Variants in GRID2 observed in about 807,000 individuals in gnomAD.
GRID2 encodes the protein glutamate ionotropic receptor delta type subunit 2, also known as glutamate receptor ionotropic, delta-2.
A neutral mutation model predicts 114.8 loss-of-function variants in GRID2; 33 were observed. The observed-to-expected ratio is 0.29, with a 90% CI of 0.22 to 0.38. GRID2 has a LOEUF of 0.38. GRID2 is among the 10% of genes least tolerant of loss of function. GRID2 has a pLI of 1.00. For missense variants in GRID2, 1,184 were observed against 1,257.7 expected (o/e 0.94, Z 0.89); for synonymous variants, 505 against 449.9 (o/e 1.12, Z -1.55).
rs905718332 is a variant in GRID2 at position 92,308,289 on chromosome 4, T to G, written c.88+3545T>G. 3.4e-4 allele frequency among the ~76,000 whole-genome samples: 52 copies of G among 152,182 alleles called. 1 individual carries two copies. On this transcript the variant is annotated intron_variant, in intron 1 of 15. Transcript: ENST00000282020. ...ATATATGCTCCTTTCTTTATCTGGT[T>G]CCTGTGCTCACAGAACTGATTGTAA...
intron 10 of GRID2, among the ~76,000 whole-genome samples, chr4:93,452,436 G>C (rs1560633560): frequency 2.6e-5 from 4 of 152,000 alleles, no homozygotes; most frequent in Admixed American, 2.6e-4. Context: ...GTAGAGGGAA[G>C]GGCTCAATCT....
At chr4:93,691,712 A>G (rs535572387) in intron 14 of GRID2, among the ~76,000 whole-genome samples, 1 of 152,202 alleles carries the variant, frequency 6.6e-6, no homozygotes, top group Non-Finnish European at 1.5e-5. Flanking sequence ...CATTTTTTAA[A>G]TAGAAAATAA....
intron 1 of GRID2, among the ~76,000 whole-genome samples, chr4:92,398,720 T>C (rs1215999973): frequency 6.6e-6 from 1 of 152,100 alleles, no homozygotes; most frequent in Non-Finnish European, 1.5e-5. Flanking sequence ...GAACTGGAAG[T>C]AAGAATTGGG....
rs554667398 is a variant in GRID2 at position 93,808,467 on chromosome 4, C to T, written c.*1594C>T. 13 of 152,282 alleles carry T rather than the reference C, an allele frequency of 8.5e-5. No homozygotes were observed. In the East Asian group the frequency reaches 9.6e-4, roughly 11 times the overall value. The allele number at this position is 152,282 out of a possible 1,614,324, so 9.4% of individuals were successfully genotyped here. A position where few individuals can be genotyped will look rare whatever the true frequency, so the allele number is the denominator to read the frequency against. On this transcript the variant is annotated 3_prime_UTR_variant, in exon 2 of 2. Coordinates refer to the GRID2 transcript ENST00000637838. Reference sequence around the variant, plus strand: ...TTCCATGGGTTCTTCATCTTCTCTACGTAATACAATACTATAATTCACCTG... The same window carrying T: ...TTCCATGGGTTCTTCATCTTCTCTATGTAATACAATACTATAATTCACCTG...
At chr4:93,747,248 A>G (rs1011763329) in intron 14 of GRID2, among the ~76,000 whole-genome samples, 5 of 152,120 alleles carry the variant, frequency 3.3e-5, no homozygotes, top group African/African-American at 1.2e-4. Context: ...TCAACTGTGA[A>G]GGCAATTAAT....
chr4:92,965,961 T>C (rs1263173715), intron 2 of GRID2, among the ~76,000 whole-genome samples: 3 of 151,928 alleles, frequency 2.0e-5, no homozygotes, highest in South Asian at 2.1e-4. Context: ...ATAAAGTTCA[T>C]ACCTTTTGCC....
intron 2 of GRID2, among the ~76,000 whole-genome samples, chr4:92,783,396 T>C (rs1739174819): frequency 6.6e-6 from 1 of 152,116 alleles, no homozygotes; most frequent in African/African-American, 2.4e-5. Context: ...ATTGTTTCCT[T>C]ACTAGATATT....
chr4:92,745,983 C>G (rs543075763), intron 2 of GRID2, among the ~76,000 whole-genome samples: 160 of 152,152 alleles, frequency 1.1e-3, no homozygotes, highest in Admixed American at 3.1e-3. Context: ...ACAAAGCTTC[C>G]CAAAGCGCTG....
chr4:92,812,036 C>G (rs1470383501), intron 2 of GRID2, among the ~76,000 whole-genome samples: 1 of 152,050 alleles, frequency 6.6e-6, no homozygotes, highest in Admixed American at 6.6e-5. Flanking sequence ...CTACAATATT[C>G]TATATATTAA....
intron 2 of GRID2, among the ~76,000 whole-genome samples, chr4:92,844,476 T>C (rs1192418408): frequency 6.6e-6 from 1 of 151,598 alleles, no homozygotes; most frequent in Non-Finnish European, 1.5e-5. Context: ...GAAGAGGAGG[T>C]TGCAGTGAGC....
chr4:93,633,363 C>A (rs1721116368), intron 14 of GRID2, among the ~76,000 whole-genome samples: 1 of 151,794 alleles, frequency 6.6e-6, no homozygotes, highest in African/African-American at 2.4e-5. Context: ...AACATTAGAT[C>A]TTTTTACCTC....
intron 2 of GRID2, among the ~76,000 whole-genome samples, chr4:92,797,027 C>T (rs187553553): frequency 6.6e-6 from 1 of 152,010 alleles, no homozygotes; most frequent in East Asian, 1.9e-4. Context: ...TACATTGATC[C>T]TTAATGATAG....
At chr4:93,793,185 G>C (rs1383655124) in intron 1 of GRID2, among the ~76,000 whole-genome samples, 1 of 152,126 alleles carries the variant, frequency 6.6e-6, no homozygotes, top group African/African-American at 2.4e-5. Flanking sequence ...ATGGATGACT[G>C]TTTCAGACCA....
rs532558589 is a variant in GRID2 at position 93,200,927 on chromosome 4, T to C, written c.736-6477T>C. 2.6e-5 allele frequency among the ~76,000 whole-genome samples: 4 copies of C among 152,304 alleles called. No individual in the cohort carries two copies. The South Asian group carries it at 6.2e-4, about 24-fold the overall frequency. ...GATCAATAAGGCACATGAACTGAAA[T>C]GTGAGGAGCTGATATTTACTGACAG... On this transcript the variant is annotated intron_variant, in intron 4 of 15. Coordinates refer to ENST00000282020, the MANE Select transcript of GRID2 (RefSeq NM_001510.4).
chr4:93,212,264 G>A (rs1225173999), intron 5 of GRID2, among the ~76,000 whole-genome samples: 2 of 152,154 alleles, frequency 1.3e-5, no homozygotes, highest in African/African-American at 2.4e-5. Flanking sequence ...TGCATCAATA[G>A]TTTTTAAAGG....
Position 92,920,500 on chromosome 4 carries a change from T to C in GRID2, c.245-164495T>C, listed in dbSNP as rs984324068. 2.0e-5 allele frequency among the ~76,000 whole-genome samples: 3 copies of C among 152,166 alleles called. No individual in the cohort carries two copies. In the South Asian group the frequency reaches 6.2e-4, roughly 31 times the overall value. On this transcript the variant is annotated intron_variant, in intron 2 of 15. Coordinates refer to ENST00000282020, the MANE Select transcript of GRID2 (RefSeq NM_001510.4). ...GTGGCTGGTACCAGTTGTCCCTTTCTATGTTTAGTGCTTCCTTCAGGAGCT... is the reference window on the plus strand; with the variant it reads ...GTGGCTGGTACCAGTTGTCCCTTTCCATGTTTAGTGCTTCCTTCAGGAGCT...
At chr4:93,476,162 G>C (rs1434440905) in intron 11 of GRID2, among the ~76,000 whole-genome samples, 1 of 152,018 alleles carries the variant, frequency 6.6e-6, no homozygotes, top group Admixed American at 6.6e-5. Flanking sequence ...TCTTCTTTTG[G>C]TTGGTTGTTT....
At chr4:93,063,274 A>C (rs920245905) in intron 2 of GRID2, among the ~76,000 whole-genome samples, 3 of 151,914 alleles carry the variant, frequency 2.0e-5, no homozygotes, top group Non-Finnish European at 2.9e-5. Context: ...CTCACATCTG[A>C]TAATTCTGTA....
intron 4 of GRID2, among the ~76,000 whole-genome samples, chr4:93,163,384 A>ACACAC (rs1737909976): frequency 2.5e-5 from 1 of 39,414 alleles, no homozygotes; most frequent in East Asian, 5.4e-4. Flanking sequence ...ATATATATAT[A>ACACAC]TATATATATA....
Sources: gnomAD v4.1 joint callset for allele counts (sites outside exome capture counted in the v4.1 genomes callset) on GRCh38, gnomAD v4.1.1 for gene constraint, MANE v1.5 for transcripts, NCBI Gene and HGNC (gene_info 2026-07-23, HGNC 2026-07-21) for gene names.